Variants in WDR89 observed in about 807,000 individuals in gnomAD.
WDR89 encodes the protein WD repeat-containing protein 89.
A neutral mutation model predicts 29.1 loss-of-function variants in WDR89; 17 were observed. That is an observed-to-expected ratio of 0.58 (90% CI 0.40 to 0.88). The LOEUF (loss-of-function observed/expected upper bound fraction) is 0.88, where lower values mean the gene tolerates loss of function less well. WDR89 is among the 40% of genes least tolerant of loss of function. The pLI, the probability that WDR89 is intolerant of heterozygous loss-of-function variation, is 0.00. For missense variants in WDR89, 396 were observed against 456.3 expected (o/e 0.87, Z 1.20); for synonymous variants, 138 against 157.8 (o/e 0.87, Z 0.94).
chr14:63,639,945 G>A (rs763169150), intron 1 of WDR89, among the ~76,000 whole-genome samples: 5 of 152,152 alleles, frequency 3.3e-5, no homozygotes, highest in Non-Finnish European at 5.9e-5. Context: ...CTGTGCCACC[G>A]CACTCCCGTC....
At chr14:63,604,216 G>C (rs1249830475) in intron 2 of WDR89, among the ~76,000 whole-genome samples, 1 of 152,192 alleles carries the variant, frequency 6.6e-6, no homozygotes, top group Non-Finnish European at 1.5e-5. Context: ...CTTGAGCCCA[G>C]GGGTTCGAGA....
intron 1 of WDR89, among the ~76,000 whole-genome samples, chr14:63,641,097 C>CAAAAAAAAAAAAA (rs57478091): frequency 4.7e-5 from 3 of 64,142 alleles, no homozygotes; most frequent in Admixed American, 1.9e-4. Context: ...GACTCCATCT[C>CAAAAAAAAAAAAA]AAAAAAAAAA....
chr14:63,635,012 CAA>C (rs763282507), intron 1 of WDR89, among the ~76,000 whole-genome samples: 9 of 128,772 alleles, frequency 7.0e-5, no homozygotes, highest in Admixed American at 7.9e-5. Flanking sequence ...ACTCTGTCTC[CAA>C]AAAAAAAAAA....
chr14:63,634,521 C>CA (rs536589308), intron 1 of WDR89, among the ~76,000 whole-genome samples: 1,325 of 121,236 alleles, frequency 0.011, 19 homozygotes, highest in African/African-American at 0.029. Context: ...GACTCCCTCT[C>CA]AAAAAAAAAA....
chr14:63,641,188 A>G (rs548843562), intron 1 of WDR89: 1 of 152,344 alleles, frequency 6.6e-6, no homozygotes, highest in Non-Finnish European at 1.5e-5. Context: ...TTAATTTTAC[A>G]TCCATGGAAG....
chr14:63,600,512 T>A (rs1253632567), intron 2 of WDR89, among the ~76,000 whole-genome samples: 2 of 150,150 alleles, frequency 1.3e-5, no homozygotes, highest in Non-Finnish European at 1.5e-5. Flanking sequence ...AAAAAAAAAA[T>A]GCTGAATTTA....
chr14:63,631,088 T>C (rs1444463192), intron 1 of WDR89, among the ~76,000 whole-genome samples: 2 of 152,168 alleles, frequency 1.3e-5, no homozygotes, highest in East Asian at 1.9e-4. Flanking sequence ...TCAAAATAGA[T>C]AGGAGAGGAC....
intron 1 of WDR89, among the ~76,000 whole-genome samples, chr14:63,633,819 T>C (rs970830111): frequency 6.6e-6 from 1 of 152,104 alleles, no homozygotes; most frequent in African/African-American, 2.4e-5. Flanking sequence ...AAAAAACGGA[T>C]ATTAAGAGGA....
intron 2 of WDR89, among the ~76,000 whole-genome samples, chr14:63,605,124 C>G (rs762358986): frequency 6.6e-6 from 1 of 151,660 alleles, no homozygotes; most frequent in Non-Finnish European, 1.5e-5. Flanking sequence ...ACTTCAGCCT[C>G]GGCGACAGAG....
intron 1 of WDR89, among the ~76,000 whole-genome samples, chr14:63,631,008 C>G (rs367698057): frequency 2.0e-5 from 3 of 152,146 alleles, no homozygotes; most frequent in Admixed American, 6.5e-5. Flanking sequence ...TTAAAAAATC[C>G]TCTGGCCTTA....
intron 2 of WDR89, among the ~76,000 whole-genome samples, chr14:63,610,859 A>G (rs1162479572): frequency 6.6e-6 from 1 of 150,934 alleles, no homozygotes; most frequent in East Asian, 2.0e-4. Flanking sequence ...GCACCACCAC[A>G]CCTGGCTAAT....
At chr14:63,603,263 TACACACACACACAC>T (rs111304246) in intron 2 of WDR89, among the ~76,000 whole-genome samples, 1 of 149,614 alleles carries the variant, frequency 6.7e-6, no homozygotes, top group Non-Finnish European at 1.5e-5. Context: ...TTTCTCTCTC[TACACACACACACAC>T]ACACACACCC....
intron 2 of WDR89, among the ~76,000 whole-genome samples, chr14:63,609,342 TTTTATA>T (rs1401048569): frequency 6.6e-6 from 1 of 152,228 alleles, no homozygotes; most frequent in Non-Finnish European, 1.5e-5. Context: ...GTTTAGTTAC[TTTTATA>T]TTAACTATTT....
chr14:63,641,596 AG>A lies in WDR89; in HGVS notation c.-138+207del, dbSNP rs530107510. On this transcript the variant is annotated intron_variant, in intron 1 of 2. Coordinates refer to ENST00000620954, the MANE Select transcript of WDR89 (RefSeq NM_080666.4). ...CTGACCCGCAGAAGTTTCTTTGGCCAGGGCCAGCACAGGTTTGACCTGGTGG... is the reference window on the plus strand; with the variant it reads ...CTGACCCGCAGAAGTTTCTTTGGCCAGGCCAGCACAGGTTTGACCTGGTGG... Among the ~76,000 whole-genome samples, 36 of 152,370 alleles carry A rather than the reference AG, an allele frequency of 2.4e-4. No homozygotes were observed. The South Asian group carries it at 7.2e-3, about 31-fold the overall frequency.
At chr14:63,615,262 G>A (rs1329528191) in intron 2 of WDR89, among the ~76,000 whole-genome samples, 2 of 152,126 alleles carry the variant, frequency 1.3e-5, no homozygotes, top group African/African-American at 4.8e-5. Context: ...ACAATTAACT[G>A]CCTTTTTCCT....
intron 2 of WDR89, among the ~76,000 whole-genome samples, chr14:63,607,927 G>A (rs906466363): frequency 2.7e-5 from 4 of 150,774 alleles, no homozygotes; most frequent in African/African-American, 4.9e-5. Flanking sequence ...ACCCCAGGCC[G>A]GGCGCAGCAG....
At chr14:63,618,590 G>C (rs1225406687) in intron 2 of WDR89, among the ~76,000 whole-genome samples, 4 of 151,342 alleles carry the variant, frequency 2.6e-5, no homozygotes, top group Non-Finnish European at 5.9e-5. Context: ...AACTAAAGTA[G>C]AAGAAGAAAG....
intron 2 of WDR89, 135 bp from the exon 3 acceptor site, chr14:63,600,108 T>A (rs1894991991): frequency 6.4e-6 from 3 of 467,978 alleles, no homozygotes; most frequent in Non-Finnish European, 1.1e-5. Flanking sequence ...CATGAATCAA[T>A]CAATCAACAG....
At chr14:63,619,075 T>G (rs1431617752) in intron 2 of WDR89, among the ~76,000 whole-genome samples, 3 of 152,162 alleles carry the variant, frequency 2.0e-5, no homozygotes, top group Non-Finnish European at 4.4e-5. Flanking sequence ...TCCCTACTTC[T>G]GCCAAGCCTT....
Sources: allele counts gnomAD v4.1 joint callset (sites outside exome capture counted in the v4.1 genomes callset), GRCh38; gene constraint gnomAD v4.1.1; transcripts MANE v1.5; gene names NCBI Gene and HGNC (gene_info 2026-07-23, HGNC 2026-07-21).